Variants in CCR3 observed in about 807,000 individuals in gnomAD.
CCR3 encodes C-C motif chemokine receptor 3, also known as C-C chemokine receptor type 3.
For missense variants in CCR3, 419 were observed against 437.5 expected (o/e 0.96, Z 0.38); for synonymous variants, 203 against 179.2 (o/e 1.13, Z -1.06).
chr3:46,218,591 G>C (rs907838134), intron 2 of CCR3, among the ~76,000 whole-genome samples: 1 of 151,912 alleles, frequency 6.6e-6, no homozygotes, highest in Non-Finnish European at 1.5e-5. Context: ...AAAACACTAG[G>C]TAACCGAATT....
At chr3:46,263,188 T>G (rs1275546693) in intron 1 of CCR3, among the ~76,000 whole-genome samples, 1 of 152,212 alleles carries the variant, frequency 6.6e-6, no homozygotes, top group Admixed American at 6.5e-5. Context: ...ACTTAAGTAA[T>G]TTTTTTAAAG....
At chr3:46,250,234 C>T (rs114658371) in intron 1 of CCR3, among the ~76,000 whole-genome samples, 74 of 151,998 alleles carry the variant, frequency 4.9e-4, no homozygotes, top group African/African-American at 8.9e-4. Context: ...AGTGATGGAA[C>T]GAAACTGTAA....
At chr3:46,240,518 T>C (rs1700069964), upstream of CCR3, among the ~76,000 whole-genome samples, 1 of 152,142 alleles carries the variant, frequency 6.6e-6, no homozygotes, top group African/African-American at 2.4e-5. Flanking sequence ...ATGAAGCCGT[T>C]CCCAGTCCCT....
At chr3:46,227,936 T>C (rs1699920899) in intron 2 of CCR3, among the ~76,000 whole-genome samples, 1 of 152,190 alleles carries the variant, frequency 6.6e-6, no homozygotes, top group Non-Finnish European at 1.5e-5. Context: ...TTTATCTCGG[T>C]GAATGTTCCA....
At chr3:46,212,796 G>A (rs191418697) in intron 2 of CCR3, among the ~76,000 whole-genome samples, 38 of 152,252 alleles carry the variant, frequency 2.5e-4, no homozygotes, top group Admixed American at 9.8e-4. Context: ...ATCAGTGTGA[G>A]ATCCCTCACC....
At chr3:46,249,702 G>C (rs1700268581) in intron 1 of CCR3, among the ~76,000 whole-genome samples, 1 of 152,070 alleles carries the variant, frequency 6.6e-6, no homozygotes. Flanking sequence ...GGGGAATCCT[G>C]GGCTGCAGGC....
chr3:46,238,442 T>C (rs74433128), upstream of CCR3, among the ~76,000 whole-genome samples: 1 of 149,944 alleles, frequency 6.7e-6, no homozygotes, highest in Non-Finnish European at 1.5e-5. Flanking sequence ...GTGCAGTGCA[T>C]TTACTAGGGA....
intron 1 of CCR3, among the ~76,000 whole-genome samples, chr3:46,259,040 T>C (rs1700477390): frequency 1.3e-5 from 2 of 152,212 alleles, no homozygotes; most frequent in South Asian, 4.1e-4. Flanking sequence ...GCAGTTTGAA[T>C]GTCTCTGGTA....
intron 2 of CCR3, among the ~76,000 whole-genome samples, chr3:46,229,820 G>A (rs371818276): frequency 8.2e-4 from 124 of 152,044 alleles, no homozygotes; most frequent in African/African-American, 2.8e-3. Context: ...GTGAAGATTC[G>A]TGTGCAAGGA....
chr3:46,249,239 A>G (rs1029399755), intron 1 of CCR3, among the ~76,000 whole-genome samples: 2 of 152,122 alleles, frequency 1.3e-5, no homozygotes, highest in African/African-American at 4.8e-5. Flanking sequence ...ATAGTCCAGG[A>G]ATAGTCAGGG....
intron 1 of CCR3, chr3:46,264,407 C>A: frequency 1.3e-6 from 2 of 1,532,360 alleles, no homozygotes; most frequent in Non-Finnish European, 1.7e-6. Context: ...TTGGATTATG[C>A]CATTTGGAAT....
chr3:46,216,993 C>A (rs1194453293), intron 2 of CCR3, among the ~76,000 whole-genome samples: 1 of 152,026 alleles, frequency 6.6e-6, no homozygotes, highest in Non-Finnish European at 1.5e-5. Flanking sequence ...TAGAACAGTA[C>A]CTCACATCTC....
At chr3:46,233,564 C>T (rs990466266) in intron 2 of CCR3, among the ~76,000 whole-genome samples, 2 of 152,058 alleles carry the variant, frequency 1.3e-5, no homozygotes, top group Admixed American at 6.6e-5. Context: ...AATGTGTCTG[C>T]TTCAGTGTAA....
At chr3:46,256,709 T>C (rs1700432338) in intron 1 of CCR3, among the ~76,000 whole-genome samples, 1 of 152,168 alleles carries the variant, frequency 6.6e-6, no homozygotes, top group Non-Finnish European at 1.5e-5. Context: ...AAAATCACAA[T>C]GTATAAATGC....
intron 1 of CCR3, among the ~76,000 whole-genome samples, chr3:46,255,980 G>GT (rs1700415812): frequency 6.6e-6 from 1 of 151,898 alleles, no homozygotes; most frequent in African/African-American, 2.4e-5. Flanking sequence ...TTTGTAGGTT[G>GT]TTTTTTGCAG....
intron 1 of CCR3, among the ~76,000 whole-genome samples, chr3:46,244,165 A>G (rs564687708): frequency 6.6e-6 from 1 of 152,356 alleles, no homozygotes; most frequent in South Asian, 2.1e-4. Flanking sequence ...AAATATGTTT[A>G]TTGCAGTATT....
chr3:46,247,598 G>T (rs1198026309), intron 1 of CCR3, among the ~76,000 whole-genome samples: 1 of 152,156 alleles, frequency 6.6e-6, no homozygotes, highest in Non-Finnish European at 1.5e-5. Flanking sequence ...CTGCTTGGCT[G>T]ATTTGACTAA....
chr3:46,262,514 G>A (rs544713412), intron 1 of CCR3, among the ~76,000 whole-genome samples: 109 of 152,108 alleles, frequency 7.2e-4, no homozygotes, highest in Non-Finnish European at 1.0e-3. Context: ...TTACCCTATC[G>A]TTTTCCAAAA....
At chr3:46,245,575 T>C (rs1216582794) in intron 1 of CCR3, among the ~76,000 whole-genome samples, 1 of 151,918 alleles carries the variant, frequency 6.6e-6, no homozygotes, top group Non-Finnish European at 1.5e-5. Context: ...TAACTTTTAT[T>C]TTAGGTTTGG....
Sources: allele counts gnomAD v4.1 joint callset (sites outside exome capture counted in the v4.1 genomes callset), GRCh38; gene constraint gnomAD v4.1.1; transcripts MANE v1.5; gene names NCBI Gene and HGNC (gene_info 2026-07-23, HGNC 2026-07-21).